PARP9: variants seen among roughly 807,000 people sequenced by gnomAD.
PARP9 encodes the protein poly(ADP-ribose) polymerase family member 9, also known as protein mono-ADP-ribosyltransferase PARP9.
In PARP9, 48 loss-of-function variants were observed where a neutral mutation model predicts 68.8. The observed-to-expected ratio is 0.70, with a 90% confidence interval of 0.55 to 0.89. PARP9 has a LOEUF of 0.89. Ranked by LOEUF, PARP9 falls within the 40% of genes least tolerant of loss-of-function variation. The probability of loss-of-function intolerance (pLI) is 0.00; values close to 1 mark genes in which losing one functional copy is unlikely to be tolerated. For synonymous variants in PARP9, 309 were observed against 333.8 expected, an observed-to-expected ratio of 0.93 and a Z score of 0.81; for missense variants, 806 against 969.3, an observed-to-expected ratio of 0.83 and a Z score of 2.24.
At position 122,558,433 on chromosome 3, in the gene PARP9, C is replaced by T; in HGVS notation, c.49+1G>A. 1 of 1,614,082 alleles carries T rather than the reference C, an allele frequency of 6.2e-7. No homozygotes were observed. The highest frequency in any genetic ancestry group is 1.3e-5 in the African/African-American group (1 of 75,032). On this transcript the variant is annotated splice_donor_variant, in intron 3 of 10. Coordinates refer to ENST00000682323, the MANE Select transcript of PARP9 (RefSeq NM_001146105.2). LOFTEE classifies it high-confidence loss of function. ...CAAGAGTGAGAGCGAGGTAATCCTA[C>T]CTGATTTTTCATTGTAAGCTGCTGC...
intron 10 of PARP9, chr3:122,531,720 G>C (rs2077317767): frequency 6.6e-6 from 1 of 152,132 alleles, no homozygotes; most frequent in South Asian, 2.1e-4. Flanking sequence ...GCTTTTCTGA[G>C]AGGAAAAGGG....
chr3:122,558,045 G>A (rs1316127703), intron 3 of PARP9, among the ~76,000 whole-genome samples: 1 of 152,208 alleles, frequency 6.6e-6, no homozygotes, highest in Non-Finnish European at 1.5e-5. Context: ...CCGGAATTGG[G>A]TAGTCAGGCC....
At chr3:122,535,029 G>A (rs760321653) in intron 10 of PARP9, 17 of 979,468 alleles carry the variant, frequency 1.7e-5, no homozygotes, top group Non-Finnish European at 2.1e-5. Context: ...TAGGCAAGTA[G>A]CAGAGTCTGT....
At chr3:122,529,823 C>T (rs1050826867) in intron 10 of PARP9, among the ~76,000 whole-genome samples, 4 of 151,266 alleles carry the variant, frequency 2.6e-5, no homozygotes, top group Non-Finnish European at 4.4e-5. Flanking sequence ...CCAGAACTCT[C>T]AAGAAGATGG....
intron 8 of PARP9, among the ~76,000 whole-genome samples, chr3:122,538,690 A>T (rs550878024): frequency 1.9e-4 from 28 of 151,166 alleles, no homozygotes; most frequent in Non-Finnish European, 2.9e-4. Flanking sequence ...ACACACACAC[A>T]CACTCTAACA....
chr3:122,551,253 T>G (rs2079179384), intron 5 of PARP9, among the ~76,000 whole-genome samples: 1 of 152,228 alleles, frequency 6.6e-6, no homozygotes, highest in Non-Finnish European at 1.5e-5. Flanking sequence ...CTAATATTTT[T>G]GGCAGATTTA....
intron 3 of PARP9, 162 bp downstream of exon 3, chr3:122,558,272 G>C: frequency 6.4e-7 from 1 of 1,572,454 alleles, no homozygotes; most frequent in South Asian, 1.1e-5. Flanking sequence ...GCTGGTCGGT[G>C]CCACACCAAC....
At chr3:122,548,807 T>C (rs2078964599) in intron 6 of PARP9, among the ~76,000 whole-genome samples, 2 of 152,024 alleles carry the variant, frequency 1.3e-5, no homozygotes, top group African/African-American at 4.8e-5. Context: ...TAAAAAAGAA[T>C]GGGTTGAATT....
At position 122,528,548 on chromosome 3, in the gene PARP9, C is replaced by T; in HGVS notation, c.2276G>A (p.Ser759Asn). The part of the protein sequence containing the change: ...LSPGAIDGHD[S>N]VVDNVSSPET... ...AGGGCTGGAGACATTGTCAACCACA[C>T]TGTCATGACCATCTATAGCTCCAGG... The change falls in exon 11 of 11, where the codon AGT becomes AAT. Residue 759 changes from serine (S) to asparagine (N), a missense_variant. Transcript: ENST00000682323. 1 of 1,614,170 alleles carries T rather than the reference C, an allele frequency of 6.2e-7. No homozygotes were observed. The highest frequency in any genetic ancestry group is 8.5e-7 in the Non-Finnish European group (1 of 1,180,006).
rs753083939 is a variant in PARP9 at position 122,540,746 on chromosome 3, T to A, written c.1491A>T (p.Ala497=). 6.2e-7 allele frequency: 1 copy of A among 1,614,190 alleles called. No individual in the cohort carries two copies. Among genetic ancestry groups the A allele is most frequent in the Non-Finnish European group, 8.5e-7 (1 of 1,180,024 alleles). The part of the protein sequence containing the change: ...FNVEEMYEAH[A]WIQRILSLQN... The stretch of plus-strand genomic sequence containing the variant: ...GGAGACTCAGGATTCTTTGGATCCA[T>A]GCGTGGGCCTCATACATCTCTTCCA... Residue 497 remains alanine (A), a synonymous_variant, in exon 8 of 11, where the codon GCA becomes GCT. Transcript: ENST00000682323.
At chr3:122,539,629 T>C (rs533166713) in intron 8 of PARP9, among the ~76,000 whole-genome samples, 105 of 151,662 alleles carry the variant, frequency 6.9e-4, no homozygotes, top group African/African-American at 2.5e-3. Context: ...GGTTCGATCT[T>C]GGTTCACTGC....
chr3:122,554,311 C>T (rs1432665935), intron 4 of PARP9, among the ~76,000 whole-genome samples: 2 of 152,180 alleles, frequency 1.3e-5, no homozygotes, highest in Non-Finnish European at 2.9e-5. Flanking sequence ...CTATACTCCA[C>T]TCTTGTCACA....
In PARP9 at chr3:122,552,475, G is replaced by A. The variant is rs1335628242; in HGVS notation, c.1050C>T (p.Asn350=). 2 of 1,614,074 alleles carry A rather than the reference G, an allele frequency of 1.2e-6. No individual in the cohort carries two copies. The highest frequency in any genetic ancestry group is 1.7e-6 in the Non-Finnish European group (2 of 1,179,992). Residue 350 remains asparagine, a synonymous_variant, in exon 5 of 11, where the codon AAC becomes AAT. Transcript: ENST00000682323. The stretch of plus-strand genomic sequence containing the variant: ...CATGGTATATATATTTACAGAACAA[G>A]TTAAATCCTTTTGTGACCAGTACCA... The part of the protein sequence containing the change: ...SQLVLVTKGF[N]LFCKYIYHVL...
intron 5 of PARP9, among the ~76,000 whole-genome samples, chr3:122,551,151 G>GA (rs1281415136): frequency 6.6e-6 from 1 of 152,140 alleles, no homozygotes; most frequent in Non-Finnish European, 1.5e-5. Flanking sequence ...AAGAGCCCTT[G>GA]AATTTTCATA....
chr3:122,540,683 G>A lies in PARP9; in HGVS notation c.1554C>T (p.Tyr518=), dbSNP rs1477450029. ...AAATGTCATGTTCCTTTCTCCCAAG[G>A]TACAGAATATGATTATTCTCAATGA... ...HHIIENNHIL[Y]LGRKEHDILS... is the part of the protein sequence containing the mutation. The change falls in exon 8 of 11, where the codon TAC becomes TAT. Residue 518 remains tyrosine, a synonymous_variant. Coordinates refer to ENST00000682323, the MANE Select transcript of PARP9 (RefSeq NM_001146105.2). The A allele has an allele frequency of 6.2e-7, 1 of 1,614,012 alleles. No individual in the cohort carries two copies. The highest frequency in any genetic ancestry group is 8.5e-7 in the Non-Finnish European group (1 of 1,180,002).
At chr3:122,547,434 G>A (rs922687553) in intron 6 of PARP9, among the ~76,000 whole-genome samples, 8 of 152,018 alleles carry the variant, frequency 5.3e-5, no homozygotes, top group South Asian at 2.1e-4. Context: ...CTGGGGGAGC[G>A]CTCAGACCGT....
chr3:122,533,222 G>A (rs957736667), intron 10 of PARP9: 1 of 152,182 alleles, frequency 6.6e-6, no homozygotes, highest in African/African-American at 2.4e-5. Flanking sequence ...AAGGAGGAAT[G>A]GAGGATGATA....
At chr3:122,555,031 A>C (rs1340725805) in intron 4 of PARP9, among the ~76,000 whole-genome samples, 1 of 151,964 alleles carries the variant, frequency 6.6e-6, no homozygotes, top group Non-Finnish European at 1.5e-5. Context: ...TTAAAAAAAA[A>C]CTTAAATTAA....
chr3:122,541,047 A>G (rs913698775), intron 7 of PARP9, among the ~76,000 whole-genome samples, 195 bp from the exon 8 acceptor site: 2 of 151,864 alleles, frequency 1.3e-5, no homozygotes, highest in Non-Finnish European at 2.9e-5. Flanking sequence ...CCCGCCACCA[A>G]GCCCGGCTAA....
Sources: allele counts gnomAD v4.1 joint callset (sites outside exome capture counted in the v4.1 genomes callset), GRCh38; gene constraint gnomAD v4.1.1; transcripts MANE v1.5; gene names NCBI Gene and HGNC (gene_info 2026-07-23, HGNC 2026-07-21).